The following ATM variants were observed in gnomAD, a reference collection of about 807,000 sequenced individuals.
ATM encodes serine-protein kinase ATM.
Under a neutral mutation model 387.0 loss-of-function variants are expected in ATM, and 308 were observed. That is an observed-to-expected ratio of 0.80 (90% confidence interval 0.73 to 0.87). ATM has a LOEUF of 0.87. Among genes scored for constraint, ATM ranks in the 40% least tolerant of loss-of-function variants. The pLI, the probability that ATM is intolerant of heterozygous loss-of-function variation, is 0.00. For missense variants in ATM, 3,312 were observed against 3,560.9 expected, an observed-to-expected ratio of 0.93 and a Z score of 1.78; for synonymous variants, 1,156 against 1,187.3, an observed-to-expected ratio of 0.97 and a Z score of 0.54.
At chr11:108,355,148 A>G (rs1465152052) in intron 61 of ATM, 4 of 449,800 alleles carry the variant, frequency 8.9e-6, no homozygotes, top group Admixed American at 7.1e-5. Context: ...TGACATTTAG[A>G]TATTCCATAT....
In ATM at chr11:108,289,776, A is replaced by G. The variant is rs2082684549; in HGVS notation, c.4411A>G (p.Thr1471Ala). Reference protein sequence around the residue: ...WAFVLRDVIYTLIHYINQRPS... With the variant: ...WAFVLRDVIYALIHYINQRPS... ...CTTTGTTCTTCGAGACGTTATTTAT[A>G]CTTTGATTCACTATATCAACCAAAG... Residue 1471 changes from threonine (T) to alanine (A), a missense_variant, in exon 29 of 63, where the codon ACT becomes GCT. Around this residue, in one of 4 missense-constraint regions of ATM, gnomAD observed 1,791 missense variants for 1,804.5 expected, o/e 0.99. Coordinates refer to ENST00000675843, the MANE Select transcript of ATM (RefSeq NM_000051.4). 6.2e-7 allele frequency: 1 copy of G among 1,613,180 alleles called. No homozygotes were observed.
rs1064794484 is a variant in ATM at position 108,289,020 on chromosome 11, G to T, written c.4153G>T (p.Val1385Leu). The change falls in exon 28 of 63, where the codon GTG (valine) becomes TTG (leucine). Residue 1385 changes from valine to leucine, a missense_variant. Val to Leu is a conservative substitution (Grantham distance 32, BLOSUM62 1). Transcript: ENST00000675843. ...APNPPHFPSH[V>L]IKATFAYISN... is the part of the protein sequence containing the mutation. The stretch of plus-strand genomic sequence containing the variant: ...TAATCCACCTCATTTTCCATCGCAT[G>T]TGATTAAAGCAACATTTGCCTATAT... 5 of 1,613,426 alleles carry T rather than the reference G, an allele frequency of 3.1e-6. No homozygotes were observed. The highest frequency in any genetic ancestry group is 4.2e-6 in the Non-Finnish European group (5 of 1,179,664).
chr11:108,365,424 T>G lies in ATM; in HGVS notation c.9087T>G (p.Gly3029=), dbSNP rs759675675. 4 of 1,614,068 alleles carry G rather than the reference T, an allele frequency of 2.5e-6. No individual in the cohort carries two copies. Among genetic ancestry groups the G allele is most frequent in the Non-Finnish European group, 3.4e-6 (4 of 1,180,034 alleles). ...AAGAAGGCACTGTGCTCAGTGTTGGTGGACAAGTGAATTTGCTCATACAGC... is the reference window on the plus strand; with the variant it reads ...AAGAAGGCACTGTGCTCAGTGTTGGGGGACAAGTGAATTTGCTCATACAGC... ...GVEEGTVLSV[G]GQVNLLIQQA... The change falls in exon 63 of 63, where the codon GGT becomes GGG. Residue 3029 remains glycine (G), a synonymous_variant. Coordinates refer to ENST00000675843, the MANE Select transcript of ATM (RefSeq NM_000051.4).
intron 61 of ATM, among the ~76,000 whole-genome samples, chr11:108,364,291 G>C (rs2091104511): frequency 6.6e-6 from 1 of 152,148 alleles, no homozygotes; most frequent in African/African-American, 2.4e-5. Context: ...TTATTACTAA[G>C]ATTTGTAAGC....
intron 60 of ATM, 143 bp downstream of exon 60, chr11:108,354,023 C>G (rs1212047776): frequency 5.6e-6 from 4 of 709,796 alleles, no homozygotes; most frequent in Non-Finnish European, 1.0e-5. Context: ...TGAGTCCAGC[C>G]TAGGCAATAC....
At chr11:108,351,653 C>T (rs1167834554) in intron 59 of ATM, among the ~76,000 whole-genome samples, 1 of 152,112 alleles carries the variant, frequency 6.6e-6, no homozygotes, top group Non-Finnish European at 1.5e-5. Context: ...GTGTCCTGGA[C>T]CTACTCAGCA....
intron 50 of ATM, among the ~76,000 whole-genome samples, chr11:108,330,817 G>A (rs1041369461): frequency 6.6e-6 from 1 of 152,012 alleles, no homozygotes; most frequent in African/African-American, 2.4e-5. Flanking sequence ...AGAAATATGG[G>A]ATTTTTACAA....
intron 4 of ATM, 146 bp downstream of exon 4, chr11:108,229,469 A>G: frequency 1.3e-6 from 1 of 794,786 alleles, no homozygotes; most frequent in South Asian, 1.9e-5. Flanking sequence ...GTAAGTACAT[A>G]TAATGATTTT....
intron 3 of ATM, 119 bp downstream of exon 3, chr11:108,228,007 G>T: frequency 1.2e-6 from 1 of 814,828 alleles, no homozygotes; most frequent in South Asian, 1.7e-5. Flanking sequence ...ATATCATTAT[G>T]CCTTGCATAT....
chr11:108,365,326 G>C lies in ATM; in HGVS notation c.8989G>C (p.Asp2997His), dbSNP rs2091232028. The stretch of plus-strand genomic sequence containing the variant: ...AAACCTTTGTGTTTTTGTCCTTAGT[G>C]ATATTGACCAGAGTTTCAACAAAGT... ...DDQECKRNLSDIDQSFNKVAE... is the reference protein window; with the variant it reads ...DDQECKRNLSHIDQSFNKVAE... The change falls in exon 63 of 63, where the codon GAT (aspartate) becomes CAT (histidine). Residue 2997 changes from aspartate to histidine, a missense_variant and splice_region_variant. Physicochemically the swap from Asp to His is moderately conservative, Grantham distance 81. Around this residue, in one of 4 missense-constraint regions of ATM, gnomAD observed 95 missense variants for 100.3 expected, o/e 0.95. Coordinates refer to ENST00000675843, the MANE Select transcript of ATM (RefSeq NM_000051.4). The C allele has an allele frequency of 6.2e-7, 1 of 1,614,176 alleles. No individual in the cohort carries two copies. The highest frequency in any genetic ancestry group is 8.5e-7 in the Non-Finnish European group (1 of 1,180,038).
chr11:108,296,828 A>G, intron 32 of ATM: 1 of 181,054 alleles, frequency 5.5e-6, no homozygotes, highest in Non-Finnish European at 1.2e-5. Context: ...ACACATATCA[A>G]GTTCTCAGTA....
chr11:108,289,237 T>G (rs1487979330), intron 28 of ATM, 134 bp downstream of exon 28: 8 of 955,772 alleles, frequency 8.4e-6, no homozygotes, highest in African/African-American at 1.7e-5. Flanking sequence ...AAACATTCAT[T>G]TACAAGTTTA....
chr11:108,359,670 A>T (rs2090469131), intron 61 of ATM, among the ~76,000 whole-genome samples: 1 of 152,220 alleles, frequency 6.6e-6, no homozygotes, highest in African/African-American at 2.4e-5. Context: ...CTACATGGAA[A>T]CCAAACAACC....
rs876658716 is a variant in ATM, at chr11:108,345,873, T to C, written c.8549T>C (p.Leu2850Ser). The C allele has an allele frequency of 1.9e-6, 3 of 1,613,888 alleles. No individual in the cohort carries two copies. The highest frequency in any genetic ancestry group is 1.7e-5 in the Admixed American group (1 of 60,012). ...LDPAIWFEKR[L>S]AYTRSVATSS... ...CCAGCTATTTGGTTTGAGAAGCGAT[T>C]GGCTTATACGCGCAGTGTAGCTACT... Residue 2850 changes from leucine to serine, a missense_variant, in exon 58 of 63, where the codon TTG (leucine) becomes TCG (serine). By Grantham distance (145) the Leu-to-Ser change is moderately radical. Transcript: ENST00000675843.
Position 108,293,365 on chromosome 11 carries a change from T to A in ATM, c.4664T>A (p.Leu1555His), listed in dbSNP as rs1060501524. 25 of 1,596,668 alleles carry A rather than the reference T, an allele frequency of 1.6e-5. No homozygotes were observed. The highest frequency in any genetic ancestry group is 2.1e-5 in the Non-Finnish European group (25 of 1,164,832). Reference sequence around the variant, plus strand: ...ATAGATAACAAGGATAATGAAAACCTCTATATCACGATTAAGCTTTTAGAT... The same window carrying A: ...ATAGATAACAAGGATAATGAAAACCACTATATCACGATTAAGCTTTTAGAT... Reference protein sequence around the residue: ...LVIDNKDNENLYITIKLLDPF... With the variant: ...LVIDNKDNENHYITIKLLDPF... The change falls in exon 31 of 63, where the codon CTC (leucine) becomes CAC (histidine). Residue 1555 changes from leucine to histidine, a missense_variant. Leu to His is a moderately conservative substitution (Grantham distance 99). Around this residue, in one of 4 missense-constraint regions of ATM, gnomAD observed 1,791 missense variants for 1,804.5 expected, o/e 0.99. Transcript: ENST00000675843.
intron 10 of ATM, 147 bp downstream of exon 10, chr11:108,251,219 A>G: frequency 8.2e-7 from 1 of 1,218,652 alleles, no homozygotes; most frequent in Non-Finnish European, 1.2e-6. Flanking sequence ...TTGGCCGAGA[A>G]GACTTAATAA....
chr11:108,271,228 C>CTT lies in ATM; in HGVS notation c.2922-9_2922-8dup, dbSNP rs373881770. 380 of 1,564,968 alleles carry CTT rather than the reference C, an allele frequency of 2.4e-4. No homozygotes were observed. Among genetic ancestry groups the CTT allele is most frequent in the African/African-American group, 1.3e-3 (95 of 71,572 alleles). On this transcript the variant is annotated intron_variant, in intron 19 of 62. Coordinates refer to ENST00000675843, the MANE Select transcript of ATM (RefSeq NM_000051.4). ...GTTCTGTTAAGCTTATAAAGTTGAA[C>CTT]TTTTTTTTTTTTTTTACCACAGCAA...
At chr11:108,262,968 AC>A (rs1284927824) in intron 16 of ATM, among the ~76,000 whole-genome samples, 2 of 152,040 alleles carry the variant, frequency 1.3e-5, no homozygotes, top group Non-Finnish European at 2.9e-5. Flanking sequence ...CTACAGGAGC[AC>A]CCAGATTCAT....
At chr11:108,316,876 A>G (rs2084707725) in intron 42 of ATM, among the ~76,000 whole-genome samples, 1 of 151,846 alleles carries the variant, frequency 6.6e-6, no homozygotes, top group African/African-American at 2.4e-5. Context: ...CAGTGAGCCG[A>G]GATCGCGCCA....
Sources: allele counts gnomAD v4.1 joint callset (sites outside exome capture counted in the v4.1 genomes callset), GRCh38; gene constraint gnomAD v4.1.1; regional missense constraint gnomAD v4.1.1; transcripts MANE v1.5; gene names NCBI Gene and HGNC (gene_info 2026-07-23, HGNC 2026-07-21).